The following NTM variants were observed in gnomAD, a reference collection of about 807,000 sequenced individuals.
The protein encoded by NTM is neurotrimin, also known as IgLON family member 2.
Under a neutral mutation model 42.1 loss-of-function variants are expected in NTM, and 13 were observed. The observed-to-expected ratio is 0.31, with a 90% CI of 0.20 to 0.49. The LOEUF (loss-of-function observed/expected upper bound fraction) is 0.49, where lower values mean the gene tolerates loss of function less well. NTM is among the 20% of genes least tolerant of loss of function. The pLI is 0.99. For missense variants in NTM, 373 were observed against 452.8 expected, an observed-to-expected ratio of 0.82 and a Z score of 1.60; for synonymous variants, 187 against 179.2, an observed-to-expected ratio of 1.04 and a Z score of -0.35.
intron 1 of NTM, among the ~76,000 whole-genome samples, chr11:131,700,945 G>A (rs1271561549): frequency 1.3e-5 from 2 of 152,174 alleles, no homozygotes; most frequent in African/African-American, 2.4e-5. Context: ...TCCTGGTTCT[G>A]CCATTTAATA....
At chr11:131,545,489 C>T (rs2053809260) in intron 1 of NTM, among the ~76,000 whole-genome samples, 1 of 151,992 alleles carries the variant, frequency 6.6e-6, no homozygotes, top group African/African-American at 2.4e-5. Flanking sequence ...TGGATTTATT[C>T]ATCCATACAT....
intron 1 of NTM, among the ~76,000 whole-genome samples, chr11:131,472,374 G>A (rs1008384572): frequency 1.3e-5 from 2 of 152,202 alleles, no homozygotes; most frequent in African/African-American, 4.8e-5. Flanking sequence ...AAAAGGAAGG[G>A]AATGTGGATA....
At chr11:132,123,368 G>T (rs193290453) in intron 2 of NTM, among the ~76,000 whole-genome samples, 33 of 152,254 alleles carry the variant, frequency 2.2e-4, no homozygotes, top group African/African-American at 3.4e-4. Flanking sequence ...CTACAGAAAG[G>T]TATTCATGGA....
intron 2 of NTM, among the ~76,000 whole-genome samples, chr11:131,941,154 T>C (rs1316575261): frequency 1.3e-5 from 2 of 152,246 alleles, no homozygotes; most frequent in Non-Finnish European, 2.9e-5. Context: ...AAATGGGCAG[T>C]AACTTATAAG....
At chr11:132,242,731 C>T (rs1318974489) in intron 4 of NTM, among the ~76,000 whole-genome samples, 1 of 152,182 alleles carries the variant, frequency 6.6e-6, no homozygotes, top group Non-Finnish European at 1.5e-5. Flanking sequence ...AAGAGCTGTG[C>T]AAACTAATTA....
chr11:131,603,833 T>C (rs897529091), intron 1 of NTM, among the ~76,000 whole-genome samples: 2 of 152,204 alleles, frequency 1.3e-5, no homozygotes, highest in Admixed American at 6.5e-5. Flanking sequence ...TTTTTCAAAG[T>C]TCATGTGTGT....
intron 1 of NTM, among the ~76,000 whole-genome samples, chr11:131,678,442 C>G (rs2071819005): frequency 6.6e-6 from 1 of 152,246 alleles, no homozygotes; most frequent in African/African-American, 2.4e-5. Flanking sequence ...GCAGCTGAGG[C>G]CCCAAGGGCA....
At chr11:131,641,884 G>A (rs1038423848) in intron 1 of NTM, among the ~76,000 whole-genome samples, 5 of 151,894 alleles carry the variant, frequency 3.3e-5, no homozygotes, top group East Asian at 3.9e-4. Context: ...ATGCCACCAC[G>A]CTCAGTTAAT....
chr11:131,648,311 A>C (rs969132156), intron 1 of NTM, among the ~76,000 whole-genome samples: 11 of 152,118 alleles, frequency 7.2e-5, no homozygotes, highest in Non-Finnish European at 1.6e-4. Context: ...ATGCATGTGA[A>C]TATGTCTTTA....
intron 1 of NTM, among the ~76,000 whole-genome samples, chr11:131,494,620 T>A (rs1358383108): frequency 6.6e-6 from 1 of 152,212 alleles, no homozygotes; most frequent in Non-Finnish European, 1.5e-5. Flanking sequence ...TGTGCAAAGA[T>A]GATAACCATG....
chr11:132,076,411 C>G (rs1040865209), intron 2 of NTM, among the ~76,000 whole-genome samples: 1 of 152,150 alleles, frequency 6.6e-6, no homozygotes, highest in Non-Finnish European at 1.5e-5. Flanking sequence ...AGAAAGAAAG[C>G]AAAATCAACA....
intron 1 of NTM, among the ~76,000 whole-genome samples, chr11:131,485,364 C>T (rs924186617): frequency 6.6e-6 from 1 of 152,202 alleles, no homozygotes; most frequent in Admixed American, 6.5e-5. Flanking sequence ...GAGAGAGGCC[C>T]TTCTGTGCCA....
chr11:131,916,698 C>T (rs1213464639), intron 2 of NTM, among the ~76,000 whole-genome samples: 1 of 152,206 alleles, frequency 6.6e-6, no homozygotes, highest in Non-Finnish European at 1.5e-5. Context: ...AGCTACTCCA[C>T]AGCCTCTTAA....
intron 1 of NTM, among the ~76,000 whole-genome samples, chr11:131,462,915 T>C (rs1055714994): frequency 5.3e-5 from 8 of 150,004 alleles, no homozygotes; most frequent in Non-Finnish European, 3.0e-5. Context: ...AACAAAAGGC[T>C]AACCTGGAAC....
At chr11:132,277,412 T>C (rs1319496039) in intron 4 of NTM, among the ~76,000 whole-genome samples, 9 of 152,166 alleles carry the variant, frequency 5.9e-5, no homozygotes, top group Admixed American at 5.9e-4. Flanking sequence ...GAAGGCTCTA[T>C]TGATGAGGAT....
At chr11:132,316,613 A>AG (rs1399090164) in intron 7 of NTM, among the ~76,000 whole-genome samples, 1 of 152,160 alleles carries the variant, frequency 6.6e-6, no homozygotes, top group Non-Finnish European at 1.5e-5. Context: ...TCTCTAGGGG[A>AG]GAAAAAGTTT....
chr11:131,891,515 C>T (rs562450253), intron 1 of NTM, among the ~76,000 whole-genome samples: 6 of 152,264 alleles, frequency 3.9e-5, no homozygotes, highest in South Asian at 2.1e-4. Context: ...CGGGGCCACA[C>T]GCTGCCAAGA....
At chr11:132,192,776 C>T (rs993053141) in intron 3 of NTM, among the ~76,000 whole-genome samples, 2 of 152,024 alleles carry the variant, frequency 1.3e-5, no homozygotes, top group Admixed American at 6.6e-5. Flanking sequence ...AGTAACAACA[C>T]CCATAGGCTC....
rs7115406 is a variant in NTM at position 131,670,763 on chromosome 11, C to T, written c.83-240801C>T. 1.5e-3 allele frequency among the ~76,000 whole-genome samples: 223 copies of T among 152,280 alleles called. 1 individual carries two copies. The highest frequency in any genetic ancestry group is 2.3e-3 in the African/African-American group (95 of 41,540). On this transcript the variant is annotated intron_variant, in intron 1 of 8. Coordinates refer to ENST00000683400, the MANE Select transcript of NTM (RefSeq NM_001352005.2). ...TTCATTTCTCGACATGGATGCTGTC[C>T]GAGAGGCGTAGCCCTTCTTGGAGGC...
Sources: allele counts gnomAD v4.1 joint callset (sites outside exome capture counted in the v4.1 genomes callset), GRCh38; gene constraint gnomAD v4.1.1; transcripts MANE v1.5; gene names NCBI Gene and HGNC (gene_info 2026-07-23, HGNC 2026-07-21).